The following NRCAM variants were observed in gnomAD, a reference collection of about 807,000 sequenced individuals.
The protein encoded by NRCAM is neuronal cell adhesion molecule.
A neutral mutation model predicts 156.5 loss-of-function variants in NRCAM; 83 were observed. The ratio of observed to expected loss-of-function variants is 0.53; its 90% CI spans 0.44 to 0.64. The LOEUF is 0.64. NRCAM is among the 30% of genes least tolerant of loss of function. The pLI is 0.00. For synonymous variants in NRCAM, 538 were observed against 563.9 expected (o/e 0.95, Z 0.65); for missense variants, 1,417 against 1,597.3 (o/e 0.89, Z 1.92).
intron 2 of NRCAM, among the ~76,000 whole-genome samples, chr7:108,364,116 G>A (rs537880020): frequency 2.8e-4 from 43 of 152,222 alleles, no homozygotes; most frequent in Admixed American, 2.5e-3. Flanking sequence ...GGTATTTACG[G>A]GAAGTCTCTG....
At chr7:108,279,512 T>C (rs2097773459) in intron 3 of NRCAM, among the ~76,000 whole-genome samples, 1 of 152,116 alleles carries the variant, frequency 6.6e-6, no homozygotes, top group Admixed American at 6.5e-5. Flanking sequence ...ACTGTTTTTT[T>C]TTGGTTGTTG....
chr7:108,168,717 A>C (rs559749239), intron 28 of NRCAM, among the ~76,000 whole-genome samples: 1 of 152,278 alleles, frequency 6.6e-6, no homozygotes, highest in African/African-American at 2.4e-5. Context: ...TTCATTTACT[A>C]AAGTGTGATG....
At chr7:108,410,213 A>C (rs550053122) in intron 1 of NRCAM, among the ~76,000 whole-genome samples, 245 of 152,336 alleles carry the variant, frequency 1.6e-3, no homozygotes, top group Non-Finnish European at 3.0e-3. Context: ...GCCCATATTA[A>C]ATAGCCCTTG....
intron 2 of NRCAM, among the ~76,000 whole-genome samples, chr7:108,381,683 C>T (rs2099702165): frequency 6.6e-6 from 1 of 151,856 alleles, no homozygotes; most frequent in African/African-American, 2.4e-5. Context: ...CCTCAGGCTC[C>T]CAAGTAGCTG....
chr7:108,393,560 G>C (rs372293066), intron 2 of NRCAM, among the ~76,000 whole-genome samples: 1 of 151,970 alleles, frequency 6.6e-6, no homozygotes, highest in Admixed American at 6.5e-5. Flanking sequence ...ACCTTGCTTC[G>C]GCTCTCACTC....
chr7:108,216,949 T>C (rs1205744355), intron 11 of NRCAM, among the ~76,000 whole-genome samples: 2 of 152,192 alleles, frequency 1.3e-5, no homozygotes, highest in African/African-American at 2.4e-5. Flanking sequence ...TCCAGTTTTG[T>C]TCCCTTGCTG....
At chr7:108,177,270 TA>T (rs1284889783) in intron 26 of NRCAM, among the ~76,000 whole-genome samples, 1 of 152,034 alleles carries the variant, frequency 6.6e-6, no homozygotes, top group Non-Finnish European at 1.5e-5. Context: ...AAGTAAAAAG[TA>T]GAACACAGCA....
chr7:108,299,141 A>AGAAAGAAAGAGAGAGAGAG (rs1359233529), intron 3 of NRCAM, among the ~76,000 whole-genome samples: 1 of 113,964 alleles, frequency 8.8e-6, no homozygotes, highest in Admixed American at 8.6e-5. Flanking sequence ...AAAGAAAGAA[A>AGAAAGAAAGAGAGAGAGAG]AGAAAAGTAA....
intron 1 of NRCAM, among the ~76,000 whole-genome samples, chr7:108,407,011 ATTG>A (rs933250334): frequency 2.6e-5 from 4 of 152,204 alleles, no homozygotes; most frequent in African/African-American, 9.7e-5. Context: ...TTATCAAAAA[ATTG>A]TTTTCATTTT....
At chr7:108,178,429 T>C (rs1317430323) in intron 25 of NRCAM, 2 of 402,676 alleles carry the variant, frequency 5.0e-6, no homozygotes, top group Admixed American at 3.4e-5. Flanking sequence ...GGTGTCTTAA[T>C]AGAAGCAAAC....
At chr7:108,349,979 T>C (rs1302808837) in intron 2 of NRCAM, among the ~76,000 whole-genome samples, 1 of 152,196 alleles carries the variant, frequency 6.6e-6, no homozygotes. Context: ...TCCCTACCTT[T>C]CCTCACATCG....
At chr7:108,290,810 G>A (rs953247880) in intron 3 of NRCAM, among the ~76,000 whole-genome samples, 1 of 152,088 alleles carries the variant, frequency 6.6e-6, no homozygotes, top group African/African-American at 2.4e-5. Context: ...TTCTTTCAGG[G>A]TTCTGAAAAG....
chr7:108,436,042 G>A (rs981522187), intron 1 of NRCAM, among the ~76,000 whole-genome samples: 8 of 152,242 alleles, frequency 5.3e-5, no homozygotes, highest in Non-Finnish European at 1.0e-4. Flanking sequence ...GCTGAGGCAG[G>A]AGAATGGCGT....
At chr7:108,354,590 A>C (rs11772488) in intron 2 of NRCAM, among the ~76,000 whole-genome samples, 1 of 152,236 alleles carries the variant, frequency 6.6e-6, no homozygotes, top group Non-Finnish European at 1.5e-5. Flanking sequence ...CTGGATAAGA[A>C]CAACATTTAA....
chr7:108,150,829 T>A (rs2041076802), intron 32 of NRCAM: 1 of 436,132 alleles, frequency 2.3e-6, no homozygotes, highest in Admixed American at 3.2e-5. Flanking sequence ...TTTTAGTTAA[T>A]GAGTAAAGAT....
chr7:108,254,551 CT>C (rs71137620), intron 3 of NRCAM, among the ~76,000 whole-genome samples: 190 of 130,218 alleles, frequency 1.5e-3, no homozygotes, highest in Admixed American at 2.1e-3. Flanking sequence ...AACAATTTTG[CT>C]TTTTTTTTTT....
chr7:108,175,357 G>A lies in NRCAM; in HGVS notation c.3152C>T (p.Ala1051Val), dbSNP rs1212369428. The A allele has an allele frequency of 6.4e-7, 1 of 1,562,236 alleles. No homozygotes were observed. The highest frequency in any genetic ancestry group is 1.4e-5 in the African/African-American group (1 of 73,728). Residue 1051 changes from alanine (A) to valine (V), a missense_variant and splice_region_variant, in exon 28 of 33, where the codon GCT becomes GTT. Ala to Val is a moderately conservative substitution (Grantham distance 64, BLOSUM62 0). Transcript: ENST00000379028. ...ACCTACATCAGGTGGAAGAATACCA[G>A]CTTTAATGAAGGGAAACAGAAATAG... is the stretch of plus-strand genomic sequence containing the variant. ...TEEAVTTVDE[A>V]GILPPDVGAG...
intron 3 of NRCAM, among the ~76,000 whole-genome samples, chr7:108,279,756 C>G (rs1362247172): frequency 6.6e-6 from 1 of 151,560 alleles, no homozygotes; most frequent in Non-Finnish European, 1.5e-5. Flanking sequence ...TGACAGAAGT[C>G]TCACTGTGTT....
chr7:108,312,769 T>C (rs1265324698), intron 2 of NRCAM, 38 bp from the exon 3 acceptor site: 3 of 152,180 alleles, frequency 2.0e-5, no homozygotes, highest in East Asian at 1.9e-4. Context: ...TAACACGACA[T>C]TGATTGTCAT....
Sources: gnomAD v4.1 joint callset for allele counts (sites outside exome capture counted in the v4.1 genomes callset) on GRCh38, gnomAD v4.1.1 for gene constraint, MANE v1.5 for transcripts, NCBI Gene and HGNC (gene_info 2026-07-23, HGNC 2026-07-21) for gene names.